DTNA: variants seen among roughly 807,000 people sequenced by gnomAD.
DTNA encodes the protein dystrobrevin alpha, also known as dystrophin-related protein 3.
A neutral mutation model predicts 100.7 loss-of-function variants in DTNA; 43 were observed. The observed-to-expected ratio is 0.43, with a 90% CI of 0.33 to 0.55. The LOEUF (loss-of-function observed/expected upper bound fraction) is 0.55, where lower values mean the gene tolerates loss of function less well. Among genes scored for constraint, DTNA ranks in the 20% least tolerant of loss-of-function variants. The pLI is 0.04. For missense variants in DTNA, 798 were observed against 953.9 expected (o/e 0.84, Z 2.15); for synonymous variants, 349 against 347.9 (o/e 1.00, Z -0.04).
At chr18:34,622,588 C>T (rs150556394) in intron 1 of DTNA, among the ~76,000 whole-genome samples, 23 of 152,244 alleles carry the variant, frequency 1.5e-4, no homozygotes, top group Admixed American at 4.6e-4. Context: ...GCCCTCAATG[C>T]GGGCAGGTTC....
intron 1 of DTNA, among the ~76,000 whole-genome samples, chr18:34,669,707 A>G (rs1188458080): frequency 2.0e-5 from 3 of 152,176 alleles, no homozygotes; most frequent in African/African-American, 4.8e-5. Flanking sequence ...GCTGGATATG[A>G]AATTCTGGGT....
chr18:34,586,398 G>T (rs562170110), intron 1 of DTNA, among the ~76,000 whole-genome samples: 2,137 of 149,448 alleles, frequency 0.014, 43 homozygotes, highest in African/African-American at 0.051. Flanking sequence ...GTCTTGTCGG[G>T]TTTTTTTTGT....
At chr18:34,861,024 A>G (rs1178954655) in intron 16 of DTNA, among the ~76,000 whole-genome samples, 1 of 152,164 alleles carries the variant, frequency 6.6e-6, no homozygotes, top group African/African-American at 2.4e-5. Flanking sequence ...TCTTAGAAAA[A>G]AATTTGTATA....
intron 1 of DTNA, among the ~76,000 whole-genome samples, chr18:34,590,307 A>G (rs1004666846): frequency 6.6e-6 from 1 of 152,200 alleles, no homozygotes; most frequent in Non-Finnish European, 1.5e-5. Flanking sequence ...TGGATGTATT[A>G]ATGTTTTCTC....
At chr18:34,575,030 A>G (rs1264957974) in intron 1 of DTNA, among the ~76,000 whole-genome samples, 7 of 152,354 alleles carry the variant, frequency 4.6e-5, no homozygotes, top group Middle Eastern at 6.8e-3. Flanking sequence ...ACAACAACGT[A>G]GAAATAATTC....
chr18:34,631,208 A>C (rs1288910076), intron 1 of DTNA, among the ~76,000 whole-genome samples: 1 of 152,206 alleles, frequency 6.6e-6, no homozygotes, highest in African/African-American at 2.4e-5. Flanking sequence ...TAGTAGCTAT[A>C]GCCATTACCA....
At chr18:34,598,919 C>G (rs16965616) in intron 1 of DTNA, among the ~76,000 whole-genome samples, 6,755 of 152,178 alleles carry the variant, frequency 0.044, 483 homozygotes, top group African/African-American at 0.15. Flanking sequence ...TTTCTAAAAG[C>G]CTATGCTAAG....
chr18:34,869,760 G>A (rs553412411), intron 17 of DTNA, among the ~76,000 whole-genome samples: 43 of 152,328 alleles, frequency 2.8e-4, no homozygotes, highest in African/African-American at 9.9e-4. Flanking sequence ...GGTGGCTCAC[G>A]CCTGTAATCC....
At chr18:34,689,363 A>G (rs1042641941) in intron 1 of DTNA, among the ~76,000 whole-genome samples, 2 of 151,904 alleles carry the variant, frequency 1.3e-5, no homozygotes, top group East Asian at 3.9e-4. Flanking sequence ...TGTTGATGCT[A>G]TTGCTTTCTG....
intron 1 of DTNA, among the ~76,000 whole-genome samples, chr18:34,610,167 T>C (rs1230031106): frequency 6.6e-6 from 1 of 152,218 alleles, no homozygotes; most frequent in Non-Finnish European, 1.5e-5. Flanking sequence ...ACAATGTGTT[T>C]ATGTCATCAG....
chr18:34,510,867 C>T (rs1322000448), intron 1 of DTNA, among the ~76,000 whole-genome samples: 2 of 151,924 alleles, frequency 1.3e-5, no homozygotes, highest in Non-Finnish European at 2.9e-5. Flanking sequence ...TGGATCTCAT[C>T]CCCTAGTTTC....
At chr18:34,812,979 A>G (rs2095515606) in intron 6 of DTNA, among the ~76,000 whole-genome samples, 1 of 152,086 alleles carries the variant, frequency 6.6e-6, no homozygotes, top group Non-Finnish European at 1.5e-5. Flanking sequence ...TGGGGTTCCA[A>G]GTGATGTGTT....
At chr18:34,797,749 G>C (rs571563961) in intron 4 of DTNA, among the ~76,000 whole-genome samples, 2 of 152,310 alleles carry the variant, frequency 1.3e-5, no homozygotes, top group East Asian at 3.9e-4. Flanking sequence ...CTGAGGTTCT[G>C]TGAAGCCTTT....
intron 1 of DTNA, among the ~76,000 whole-genome samples, chr18:34,627,897 G>C (rs1203696726): frequency 1.3e-5 from 2 of 152,102 alleles, no homozygotes; most frequent in Non-Finnish European, 2.9e-5. Context: ...TTACTTGTAG[G>C]AATTCCATGG....
intron 1 of DTNA, among the ~76,000 whole-genome samples, chr18:34,532,092 A>G (rs1338711236): frequency 6.6e-6 from 1 of 152,156 alleles, no homozygotes; most frequent in African/African-American, 2.4e-5. Flanking sequence ...CCCTTTGGGA[A>G]CTACAAAGAT....
At chr18:34,811,489 A>C (rs2095485209) in intron 5 of DTNA, among the ~76,000 whole-genome samples, 1 of 152,178 alleles carries the variant, frequency 6.6e-6, no homozygotes, top group African/African-American at 2.4e-5. Flanking sequence ...AATATCTTAC[A>C]CCAAAATCCG....
At chr18:34,783,628 A>G (rs1306435857) in intron 3 of DTNA, among the ~76,000 whole-genome samples, 1 of 152,236 alleles carries the variant, frequency 6.6e-6, no homozygotes, top group Non-Finnish European at 1.5e-5. Context: ...TTATAAAGGT[A>G]TAGCTCATGC....
At chr18:34,740,701 C>T (rs994625394) in intron 1 of DTNA, among the ~76,000 whole-genome samples, 3 of 151,680 alleles carry the variant, frequency 2.0e-5, no homozygotes, top group East Asian at 1.9e-4. Context: ...GAGGCTGAAG[C>T]GGGAGGATAA....
chr18:34,721,947 T>G (rs2085426792), intron 1 of DTNA, among the ~76,000 whole-genome samples: 1 of 152,192 alleles, frequency 6.6e-6, no homozygotes, highest in African/African-American at 2.4e-5. Flanking sequence ...AGTCGGGGCA[T>G]ATGATTGTCA....
Sources: allele counts gnomAD v4.1 joint callset (sites outside exome capture counted in the v4.1 genomes callset), GRCh38; gene constraint gnomAD v4.1.1; transcripts MANE v1.5; gene names NCBI Gene and HGNC (gene_info 2026-07-23, HGNC 2026-07-21).